ACAD10: variants seen among roughly 807,000 people sequenced by gnomAD.
ACAD10 encodes the protein ACAD-10.
ACAD10 carries 112 observed loss-of-function variants against 116.8 expected under a neutral mutation model. That is an observed-to-expected ratio of 0.96 (90% CI 0.82 to 1.12). The LOEUF (loss-of-function observed/expected upper bound fraction) is 1.12. ACAD10 is among the 50% of genes most tolerant of loss of function. ACAD10 has a pLI of 0.00. For missense variants in ACAD10, 1,259 were observed against 1,350.2 expected, an observed-to-expected ratio of 0.93 and a Z score of 1.06; for synonymous variants, 486 against 510.6, an observed-to-expected ratio of 0.95 and a Z score of 0.65.
chr12:111,699,520 C>T (rs1349731463), intron 2 of ACAD10, among the ~76,000 whole-genome samples: 1 of 152,030 alleles, frequency 6.6e-6, no homozygotes, highest in Non-Finnish European at 1.5e-5. Flanking sequence ...ATGCTGTAGA[C>T]TGTTCCATAG....
At chr12:111,739,581 A>G (rs1889670708) in intron 12 of ACAD10, among the ~76,000 whole-genome samples, 2 of 152,152 alleles carry the variant, frequency 1.3e-5, no homozygotes. Context: ...ACATGGGGAA[A>G]CCCTGTCTCT....
chr12:111,735,053 C>G (rs1041419128), intron 11 of ACAD10, among the ~76,000 whole-genome samples: 6 of 151,950 alleles, frequency 3.9e-5, no homozygotes, highest in Non-Finnish European at 7.4e-5. Flanking sequence ...GAAACCCCGT[C>G]TCTACTAAAA....
At chr12:111,690,157 G>C (rs1275674545) in intron 1 of ACAD10, among the ~76,000 whole-genome samples, 8 of 152,192 alleles carry the variant, frequency 5.3e-5, no homozygotes, top group Admixed American at 2.0e-4. Flanking sequence ...TATAGAGGTT[G>C]AGTATCCCTT....
chr12:111,687,686 G>T (rs1421894960), intron 1 of ACAD10, among the ~76,000 whole-genome samples: 1 of 152,178 alleles, frequency 6.6e-6, no homozygotes, highest in African/African-American at 2.4e-5. Context: ...CTTGTGTCAT[G>T]CAATGGTCAC....
At chr12:111,686,639 C>A (rs369509999) in intron 1 of ACAD10, among the ~76,000 whole-genome samples, 9 of 152,178 alleles carry the variant, frequency 5.9e-5, no homozygotes, top group East Asian at 1.9e-4. Context: ...TCGCTTGAAC[C>A]CGGGAGGCGG....
chr12:111,726,644 G>A (rs910436895), intron 8 of ACAD10, among the ~76,000 whole-genome samples: 2 of 150,258 alleles, frequency 1.3e-5, no homozygotes, highest in African/African-American at 2.5e-5. Flanking sequence ...GATGGATTAC[G>A]AGGTCAGGAG....
chr12:111,746,932 C>T (rs554339515), intron 14 of ACAD10, 117 bp from the exon 15 acceptor site: 25 of 1,378,552 alleles, frequency 1.8e-5, no homozygotes, highest in African/African-American at 2.9e-5. Context: ...CTGAGGAAGT[C>T]GAGGCTGCAG....
Position 111,756,701 on chromosome 12 carries a change from A to T in ACAD10, c.*228A>T. 1 of 753,600 alleles carries T rather than the reference A, an allele frequency of 1.3e-6. No homozygotes were observed. Among genetic ancestry groups the T allele is most frequent in the Non-Finnish European group, 2.3e-6 (1 of 441,180 alleles). 46.7% of individuals were successfully genotyped at this position (753,600 alleles called of 1,614,324 possible). On this transcript the variant is annotated 3_prime_UTR_variant, in exon 21 of 21. Transcript: ENST00000313698. ...GGAGGAGGGGATTTGCTGAGGGCCA[A>T]GGGGGTTCTGGGACAGAGTCTGGAA...
intron 8 of ACAD10, among the ~76,000 whole-genome samples, chr12:111,723,695 C>G (rs1301314135): frequency 2.1e-4 from 29 of 139,806 alleles, no homozygotes; most frequent in African/African-American, 7.4e-4. Flanking sequence ...CCCCCCCCCC[C>G]ACCTCCCTCC....
At chr12:111,738,401 G>A (rs1253622056) in intron 12 of ACAD10, among the ~76,000 whole-genome samples, 5 of 147,566 alleles carry the variant, frequency 3.4e-5, no homozygotes, top group South Asian at 2.2e-4. Context: ...AGCCGAGATC[G>A]TGCCACTACA....
At chr12:111,750,892 C>G (rs1890055736) in intron 18 of ACAD10, among the ~76,000 whole-genome samples, 1 of 152,178 alleles carries the variant, frequency 6.6e-6, no homozygotes, top group African/African-American at 2.4e-5. Flanking sequence ...TTTTTTATTA[C>G]CGAGCAAACC....
intron 2 of ACAD10, among the ~76,000 whole-genome samples, chr12:111,696,492 A>G (rs1024108488): frequency 6.6e-6 from 1 of 152,228 alleles, no homozygotes; most frequent in Non-Finnish European, 1.5e-5. Context: ...GTCCATAAAA[A>G]TGAAATTTTT....
intron 11 of ACAD10, among the ~76,000 whole-genome samples, chr12:111,735,114 C>T (rs1291403285): frequency 3.3e-5 from 5 of 151,712 alleles, no homozygotes; most frequent in Admixed American, 3.3e-4. Flanking sequence ...GTCCCAGCTA[C>T]TCAGGAGGCT....
intron 18 of ACAD10, among the ~76,000 whole-genome samples, chr12:111,752,452 AC>A (rs895584359): frequency 9.2e-5 from 14 of 151,748 alleles, no homozygotes; most frequent in African/African-American, 3.4e-4. Flanking sequence ...TTAAAAAAAT[AC>A]AAAAATTAGC....
At chr12:111,750,114 C>T (rs1285107280) in intron 18 of ACAD10, among the ~76,000 whole-genome samples, 78 of 131,194 alleles carry the variant, frequency 5.9e-4, no homozygotes, top group African/African-American at 2.1e-3. Flanking sequence ...TTTTTTGAGA[C>T]GGAATCTCAC....
intron 18 of ACAD10, 52 bp downstream of exon 18, chr12:111,749,397 T>C (rs1314509986): frequency 1.3e-6 from 2 of 1,569,500 alleles, no homozygotes; most frequent in Admixed American, 1.8e-5. Context: ...CACCTTCTGC[T>C]TTGCTGTCGG....
At chr12:111,747,551 C>T (rs540197448) in intron 16 of ACAD10, 166 bp downstream of exon 16, 99 of 1,454,794 alleles carry the variant, frequency 6.8e-5, no homozygotes, top group Non-Finnish European at 8.1e-5. Context: ...GAGGGTAATC[C>T]GTGGAGCACA....
intron 2 of ACAD10, among the ~76,000 whole-genome samples, 179 bp from the exon 3 acceptor site, chr12:111,701,983 C>T (rs193266976): frequency 6.6e-6 from 1 of 152,324 alleles, no homozygotes; most frequent in Non-Finnish European, 1.5e-5. Context: ...ATTAGCATTG[C>T]TCTTCCTCTG....
chr12:111,753,584 T>A (rs1219814711), intron 18 of ACAD10, 188 bp from the exon 19 acceptor site: 1 of 777,710 alleles, frequency 1.3e-6, no homozygotes. Flanking sequence ...GTGTCAGACC[T>A]ACTCCCTGGA....
Sources: allele counts gnomAD v4.1 joint callset (sites outside exome capture counted in the v4.1 genomes callset), GRCh38; gene constraint gnomAD v4.1.1; transcripts MANE v1.5; gene names NCBI Gene and HGNC (gene_info 2026-07-23, HGNC 2026-07-21).